The following UNC80 variants were observed in gnomAD, a reference collection of about 807,000 sequenced individuals.
UNC80 encodes unc-80 subunit of NALCN channel complex, also known as protein unc-80 homolog.
Under a neutral mutation model 384.6 loss-of-function variants are expected in UNC80, and 164 were observed. That is an observed-to-expected ratio of 0.43 (90% CI 0.38 to 0.49). The LOEUF is 0.49. UNC80 is among the 20% of genes least tolerant of loss of function. The pLI, the probability that UNC80 is intolerant of heterozygous loss-of-function variation, is 0.00. For synonymous variants in UNC80, 1,486 were observed against 1,527.8 expected, an observed-to-expected ratio of 0.97 and a Z score of 0.64; for missense variants, 3,330 against 4,143.0, an observed-to-expected ratio of 0.80 and a Z score of 5.39.
At chr2:209,980,786 A>G (rs1559434874) in intron 59 of UNC80, among the ~76,000 whole-genome samples, 2 of 152,244 alleles carry the variant, frequency 1.3e-5, no homozygotes, top group African/African-American at 2.4e-5. Flanking sequence ...AGTTACTGGT[A>G]GACAGCACAT....
At chr2:209,937,391 G>C (rs1358979741) in intron 41 of UNC80, 138 bp from the exon 42 acceptor site, 1 of 640,386 alleles carries the variant, frequency 1.6e-6, no homozygotes, top group Non-Finnish European at 2.7e-6. Context: ...CTTCCAGAGT[G>C]TTGTTTAGTA....
intron 18 of UNC80, among the ~76,000 whole-genome samples, chr2:209,838,793 C>A (rs1273421941): frequency 6.6e-6 from 1 of 152,080 alleles, no homozygotes; most frequent in Non-Finnish European, 1.5e-5. Context: ...AACCCCATCT[C>A]TACTAAAAAT....
chr2:209,819,736 T>G (rs1003766272), intron 12 of UNC80, among the ~76,000 whole-genome samples: 25 of 152,212 alleles, frequency 1.6e-4, no homozygotes, highest in African/African-American at 5.5e-4. Flanking sequence ...GTTGTTGTAT[T>G]TTACAATTAT....
Position 209,819,286 on chromosome 2 carries a change from C to A in UNC80, c.1962+25C>A, listed in dbSNP as rs1412459163. 2.0e-6 allele frequency: 3 copies of A among 1,532,038 alleles called. No homozygotes were observed. In the African/African-American group the frequency reaches 4.2e-5, roughly 21 times the overall value. 94.9% of individuals were successfully genotyped at this position (1,532,038 alleles called of 1,614,324 possible). ...TGTAAGAAGCAAGAATTTTTCTTAC[C>A]AAAGTTAGACAGATATTAATTATTT... On this transcript the variant is annotated intron_variant, in intron 12 of 64. Transcript: ENST00000673920.
intron 18 of UNC80, among the ~76,000 whole-genome samples, chr2:209,835,721 A>C (rs1031509963): frequency 1.3e-5 from 2 of 152,198 alleles, no homozygotes; most frequent in Non-Finnish European, 2.9e-5. Flanking sequence ...CTGCTTCCCC[A>C]AACCTTACTC....
Position 209,813,934 on chromosome 2 carries a change from G to C in UNC80, c.1200+93G>C, listed in dbSNP as rs1248435847. 5 of 1,450,664 alleles carry C rather than the reference G, an allele frequency of 3.4e-6. No individual in the cohort carries two copies. In the African/African-American group the frequency reaches 7.2e-5, roughly 21 times the overall value. 89.9% of individuals were successfully genotyped at this position (1,450,664 alleles called of 1,614,324 possible). A position where few individuals can be genotyped will look rare whatever the true frequency, so the allele number is the denominator to read the frequency against. On this transcript the variant is annotated intron_variant, in intron 8 of 64. Coordinates refer to ENST00000673920, the MANE Select transcript of UNC80 (RefSeq NM_001371986.1). ...GTGCATCCAGCTCTTAGGTACTCTA[G>C]TGCTGACTTTTTGGTTGGTGGGTTA... is the stretch of plus-strand genomic sequence containing the variant.
Position 209,945,922 on chromosome 2 carries a change from A to T in UNC80, c.7265A>T (p.Tyr2422Phe). 6.4e-7 allele frequency: 1 copy of T among 1,551,670 alleles called. No individual in the cohort carries two copies. ...AAGCTCTGTGTCACTGTGGTGGCGT[A>T]TGCTCCCGAATCATTCAGAAGGTAT... ...AIKLCVTVVA[Y>F]APESFRSLQM... Residue 2422 changes from tyrosine to phenylalanine, a missense_variant, in exon 47 of 65, where the codon TAT (tyrosine) becomes TTT (phenylalanine). Transcript: ENST00000673920.
intron 58 of UNC80, 84 bp downstream of exon 58, chr2:209,977,162 AC>A (rs2093034810): frequency 2.3e-5 from 29 of 1,278,320 alleles, no homozygotes; most frequent in Non-Finnish European, 2.9e-5. Flanking sequence ...AGGTCACCAC[AC>A]TTTTTGGAAC....
chr2:209,835,879 A>G (rs984223346), intron 18 of UNC80, among the ~76,000 whole-genome samples: 1 of 152,232 alleles, frequency 6.6e-6, no homozygotes, highest in Non-Finnish European at 1.5e-5. Context: ...AAAATCTTCA[A>G]AGAAAAAATG....
intron 31 of UNC80, among the ~76,000 whole-genome samples, chr2:209,915,297 C>T (rs552506327): frequency 1.1e-3 from 160 of 149,504 alleles, no homozygotes; most frequent in Non-Finnish European, 1.7e-3. Context: ...CCCAGCTACT[C>T]GGGAGGCTGA....
chr2:209,941,512 AC>A, intron 44 of UNC80, 23 bp downstream of exon 44: 1 of 1,514,174 alleles, frequency 6.6e-7, no homozygotes, highest in Non-Finnish European at 8.9e-7. Flanking sequence ...TCCTCTCCCA[AC>A]CAGAAAATTA....
At chr2:209,873,843 A>C (rs1032279303) in intron 23 of UNC80, among the ~76,000 whole-genome samples, 4 of 152,164 alleles carry the variant, frequency 2.6e-5, no homozygotes, top group Admixed American at 2.6e-4. Context: ...CAAAGTGCCA[A>C]AGTTATTCAA....
At chr2:209,876,215 T>C (rs993124545) in intron 23 of UNC80, among the ~76,000 whole-genome samples, 3 of 152,212 alleles carry the variant, frequency 2.0e-5, no homozygotes, top group East Asian at 3.9e-4. Context: ...CTGAGCAACC[T>C]TGGGCAAACC....
chr2:209,912,489 C>A, intron 29 of UNC80, 71 bp from the exon 30 acceptor site: 1 of 915,258 alleles, frequency 1.1e-6, no homozygotes, highest in South Asian at 2.7e-5. Context: ...TGGAGAATTG[C>A]GGGGACATAT....
In UNC80 at chr2:209,992,287, A is replaced by T. The variant is rs1246055872; in HGVS notation, c.9396+40A>T. The stretch of plus-strand genomic sequence containing the variant: ...AAAGCGCAAGAGAACCATCCTACGA[A>T]TTGGAAGCTCTGTGTGATTTTTAAT... On this transcript the variant is annotated intron_variant, in intron 62 of 64. Coordinates refer to ENST00000673920, the MANE Select transcript of UNC80 (RefSeq NM_001371986.1). 17 of 1,526,452 alleles carry T rather than the reference A, an allele frequency of 1.1e-5. No individual in the cohort carries two copies. In the East Asian group the frequency reaches 3.4e-4, roughly 31 times the overall value. 94.6% of individuals were successfully genotyped at this position (1,526,452 alleles called of 1,614,324 possible).
At chr2:209,946,692 C>T (rs1243283810) in intron 47 of UNC80, among the ~76,000 whole-genome samples, 1 of 152,168 alleles carries the variant, frequency 6.6e-6, no homozygotes, top group Admixed American at 6.5e-5. Flanking sequence ...TTCAAAGACT[C>T]ACATGAAGAA....
chr2:209,798,512 T>G (rs2078313151), intron 7 of UNC80, among the ~76,000 whole-genome samples: 1 of 152,200 alleles, frequency 6.6e-6, no homozygotes. Flanking sequence ...TCTGTTTCAC[T>G]GCTCTATATG....
intron 59 of UNC80, among the ~76,000 whole-genome samples, chr2:209,979,780 C>T (rs1260967139): frequency 6.6e-6 from 1 of 152,116 alleles, no homozygotes; most frequent in Non-Finnish European, 1.5e-5. Context: ...GTTGTGTTGT[C>T]AATGCCATAT....
At position 209,819,199 on chromosome 2, in the gene UNC80, G is replaced by C; in HGVS notation, c.1900G>C (p.Asp634His). Residue 634 changes from aspartate to histidine, a missense_variant, in exon 12 of 65, where the codon GAC (aspartate) becomes CAC (histidine). By Grantham distance (81) the Asp-to-His change is moderately conservative. Around this residue, in one of 8 missense-constraint regions of UNC80, gnomAD observed 937 missense variants for 1,026.8 expected, o/e 0.91. Coordinates refer to ENST00000673920, the MANE Select transcript of UNC80 (RefSeq NM_001371986.1). The part of the protein sequence containing the change: ...DSCINYSYLE[D>H]TEHIDGTNNF... ...CTGCATAAACTACAGCTACCTAGAG[G>C]ACACAGAACATATTGACGGGACCAA... 1 of 1,551,950 alleles carries C rather than the reference G, an allele frequency of 6.4e-7. No homozygotes were observed. Among genetic ancestry groups the C allele is most frequent in the East Asian group, 2.4e-5 (1 of 40,928 alleles).
Sources: gnomAD v4.1 joint callset for allele counts (sites outside exome capture counted in the v4.1 genomes callset) on GRCh38, gnomAD v4.1.1 for gene constraint, gnomAD v4.1.1 regional missense constraint, MANE v1.5 for transcripts, NCBI Gene and HGNC (gene_info 2026-07-23, HGNC 2026-07-21) for gene names.